MAU2: variants seen among roughly 807,000 people sequenced by gnomAD.
MAU2 encodes the protein MAU2 chromatid cohesion factor homolog.
MAU2 carries 9 observed loss-of-function variants against 89.1 expected under a neutral mutation model. The observed-to-expected ratio is 0.10, with a 90% CI of 0.06 to 0.18. The LOEUF (loss-of-function observed/expected upper bound fraction) is 0.18, where lower values mean the gene tolerates loss of function less well. MAU2 is among the 10% of genes least tolerant of loss of function. The pLI is 1.00. For synonymous variants in MAU2, 357 were observed against 343.4 expected, an observed-to-expected ratio of 1.04 and a Z score of -0.44; for missense variants, 425 against 803.5, an observed-to-expected ratio of 0.53 and a Z score of 5.69.
rs532744009 is a variant in MAU2, at chr19:19,356,007, G to T, written c.*225G>T. On this transcript the variant is annotated 3_prime_UTR_variant, in exon 19 of 19. Transcript: ENST00000262815. ...AGAGGCTCACAGGTGGCACACAGGC[G>T]CTGTCTCTCCAGAGCCATCCTTCAG... is the stretch of plus-strand genomic sequence containing the variant. 1.5e-6 allele frequency: 1 copy of T among 667,226 alleles called. No homozygotes were observed. 41.3% of individuals were successfully genotyped at this position (667,226 alleles called of 1,614,324 possible). A position where few individuals can be genotyped will look rare whatever the true frequency, so the allele number is the denominator to read the frequency against.
At chr19:19,331,263 G>C (rs1018147472) in intron 1 of MAU2, among the ~76,000 whole-genome samples, 3 of 151,962 alleles carry the variant, frequency 2.0e-5, no homozygotes, top group Admixed American at 2.0e-4. Flanking sequence ...ACTTTGGGAG[G>C]CCGAGGCAGG....
intron 17 of MAU2, 105 bp downstream of exon 17, chr19:19,354,550 G>C: frequency 2.1e-6 from 2 of 975,378 alleles, no homozygotes; most frequent in South Asian, 2.7e-5. Context: ...CTAGGCCTCC[G>C]TGGGCCGCAG....
intron 13 of MAU2, 134 bp downstream of exon 13, chr19:19,347,500 C>T (rs550491058): frequency 1.2e-4 from 82 of 673,096 alleles, no homozygotes; most frequent in African/African-American, 1.1e-3. Context: ...GGGCGGCACC[C>T]GACACAGACA....
Position 19,340,662 on chromosome 19 carries a change from A to T in MAU2, c.552-184A>T, listed in dbSNP as rs1373955360. On this transcript the variant is annotated intron_variant, in intron 5 of 18. Transcript: ENST00000262815. ...TCAAAAAAATAAATAAATAAATAAAAATAAAAATAAACACAGACACAATAG... is the reference window on the plus strand; with the variant it reads ...TCAAAAAAATAAATAAATAAATAAATATAAAAATAAACACAGACACAATAG... Among the ~76,000 whole-genome samples, 3 of 152,284 alleles carry T rather than the reference A, an allele frequency of 2.0e-5. No individual in the cohort carries two copies. In the East Asian group the frequency reaches 5.8e-4, roughly 29 times the overall value.
chr19:19,336,254 T>G, intron 3 of MAU2, 67 bp downstream of exon 3: 2 of 1,221,888 alleles, frequency 1.6e-6, no homozygotes, highest in Non-Finnish European at 2.4e-6. Flanking sequence ...GACAGCACAT[T>G]GGTAAATTGG....
chr19:19,325,519 A>G (rs1164315600), intron 1 of MAU2, among the ~76,000 whole-genome samples: 1 of 149,684 alleles, frequency 6.7e-6, no homozygotes, highest in Non-Finnish European at 1.5e-5. Flanking sequence ...CACTCCTATT[A>G]CCCAGGCTGG....
chr19:19,330,025 G>C (rs920822552), intron 1 of MAU2, among the ~76,000 whole-genome samples: 6 of 151,356 alleles, frequency 4.0e-5, no homozygotes, highest in African/African-American at 1.5e-4. Flanking sequence ...TGTCACCCAG[G>C]CTGGAGTGCA....
At position 19,344,837 on chromosome 19, in the gene MAU2, C is replaced by T. The variant is rs2146694270; in HGVS notation, c.1078-12C>T. On this transcript the variant is annotated splice_polypyrimidine_tract_variant and intron_variant, in intron 10 of 18. Coordinates refer to ENST00000262815, the MANE Select transcript of MAU2 (RefSeq NM_015329.4). ...TGCAGTCCTGTGATGGCAGTACACT[C>T]TCTCCCGGCAGATCTCCCAGGTCTG... 2.5e-6 allele frequency: 4 copies of T among 1,612,228 alleles called. No individual in the cohort carries two copies. The highest frequency in any genetic ancestry group is 1.3e-5 in the African/African-American group (1 of 75,008).
At chr19:19,327,784 CA>C (rs1432391590) in intron 1 of MAU2, among the ~76,000 whole-genome samples, 1 of 152,072 alleles carries the variant, frequency 6.6e-6, no homozygotes, top group Non-Finnish European at 1.5e-5. Context: ...GTCTGCTCAG[CA>C]GATTCTGGAG....
At chr19:19,327,120 G>GC (rs2061515561) in intron 1 of MAU2, among the ~76,000 whole-genome samples, 1 of 132,462 alleles carries the variant, frequency 7.5e-6, no homozygotes, top group South Asian at 2.7e-4. Flanking sequence ...CTCCCCAGGA[G>GC]CTTTTTTTTT....
At position 19,335,220 on chromosome 19, in the gene MAU2, A is replaced by C. The variant is rs1300246863; in HGVS notation, c.277-498A>C. On this transcript the variant is annotated intron_variant, in intron 1 of 18. Transcript: ENST00000262815. ...TGAGAGACTGACTTTGCTTATAGCC[A>C]AGCATCTTTCAAATGCCTCTTGCTC... Among the ~76,000 whole-genome samples the C allele has an allele frequency of 2.0e-5, 3 of 152,180 alleles. No homozygotes were observed. The East Asian group carries it at 5.8e-4, about 29-fold the overall frequency.
At chr19:19,327,686 A>G (rs1352116264) in intron 1 of MAU2, among the ~76,000 whole-genome samples, 2 of 150,104 alleles carry the variant, frequency 1.3e-5, no homozygotes, top group African/African-American at 2.5e-5. Context: ...ACTCCTCAGC[A>G]GCTTTTTTGG....
intron 9 of MAU2, among the ~76,000 whole-genome samples, chr19:19,343,147 G>A (rs2061666175): frequency 6.6e-6 from 1 of 152,218 alleles, no homozygotes; most frequent in African/African-American, 2.4e-5. Context: ...ATTATTATCA[G>A]TGTTGTGACA....
At chr19:19,351,039 TTTTAA>T (rs1235157596) in intron 16 of MAU2, among the ~76,000 whole-genome samples, 3 of 151,964 alleles carry the variant, frequency 2.0e-5, no homozygotes, top group Non-Finnish European at 4.4e-5. Context: ...CCCTCTTTTT[TTTTAA>T]TTTAATTTTA....
chr19:19,331,364 T>G (rs1364082062), intron 1 of MAU2, among the ~76,000 whole-genome samples: 1 of 151,712 alleles, frequency 6.6e-6, no homozygotes, highest in African/African-American at 2.4e-5. Context: ...TAGCCAGGCG[T>G]GGTGGCGGGC....
intron 1 of MAU2, among the ~76,000 whole-genome samples, chr19:19,332,356 G>A (rs2061562650): frequency 7.4e-6 from 1 of 135,100 alleles, no homozygotes; most frequent in African/African-American, 2.8e-5. Context: ...TTTTTAGAGC[G>A]AGAGACAGGG....
chr19:19,338,003 C>T (rs1436430124), intron 4 of MAU2, among the ~76,000 whole-genome samples: 3 of 152,220 alleles, frequency 2.0e-5, no homozygotes, highest in Non-Finnish European at 4.4e-5. Flanking sequence ...GTGGCCGGCC[C>T]CCGGCCTCTC....
chr19:19,346,342 G>A (rs1439334497), intron 12 of MAU2, among the ~76,000 whole-genome samples: 1 of 152,206 alleles, frequency 6.6e-6, no homozygotes, highest in South Asian at 2.1e-4. Context: ...CCCACAAGTG[G>A]TTGCTATTGC....
chr19:19,337,811 C>T (rs2061609542), intron 4 of MAU2, among the ~76,000 whole-genome samples: 3 of 152,232 alleles, frequency 2.0e-5, no homozygotes, highest in African/African-American at 7.2e-5. Context: ...TCCTCATGCT[C>T]CCTTTGGCCC....
Sources: allele counts gnomAD v4.1 joint callset (sites outside exome capture counted in the v4.1 genomes callset), GRCh38; gene constraint gnomAD v4.1.1; transcripts MANE v1.5; gene names NCBI Gene and HGNC (gene_info 2026-07-23, HGNC 2026-07-21).